EDA: variants seen among roughly 807,000 people sequenced by gnomAD.
EDA encodes the protein ectodysplasin A, also known as ectodysplasin-A.
A neutral mutation model predicts 23.6 loss-of-function variants in EDA; 2 were observed. That is an observed-to-expected ratio of 0.08 (90% CI 0.03 to 0.27). The LOEUF (loss-of-function observed/expected upper bound fraction) is 0.27. EDA is among the 10% of genes least tolerant of loss of function. The pLI is 1.00. For synonymous variants in EDA, 131 were observed against 132.0 expected (o/e 0.99, Z 0.05); for missense variants, 229 against 324.2 (o/e 0.71, Z 2.26).
intron 1 of EDA, among the ~76,000 whole-genome samples, chrX:69,672,794 A>G (rs1043911327): frequency 4.6e-5 from 5 of 109,631 alleles, no homozygotes; most frequent in Non-Finnish European, 9.5e-5. Context: ...AGGCAGGAGA[A>G]TGGCATGAAC....
At chrX:69,860,827 A>T (rs773964521) in intron 1 of EDA, 1 of 521,793 alleles carries the variant, frequency 1.9e-6, no homozygotes, top group South Asian at 2.5e-5. Context: ...ATGTTTTCCA[A>T]GTTGGTTCTA....
rs913462488 is a variant in EDA, at chrX:69,719,942, G to C, written c.396+103238G>C. 2.7e-5 allele frequency among the ~76,000 whole-genome samples: 3 copies of C among 110,099 alleles called. No homozygotes were observed. The Admixed American group carries it at 2.9e-4, about 11-fold the overall frequency. ...TTTTTGTATTTTTAGTAGGGATGGG[G>C]TTTCACCATGTTGGTTAGGCTCGTC... On this transcript the variant is annotated intron_variant, in intron 1 of 7. Coordinates refer to ENST00000374552, the MANE Select transcript of EDA (RefSeq NM_001399.5).
At chrX:69,730,555 G>A (rs996442796) in intron 1 of EDA, among the ~76,000 whole-genome samples, 1 of 111,875 alleles carries the variant, frequency 8.9e-6, no homozygotes, top group Admixed American at 9.5e-5. Context: ...ATCCTTTCTA[G>A]TCTTCAGACC....
At chrX:69,643,924 G>T (rs1404594734) in intron 1 of EDA, among the ~76,000 whole-genome samples, 1 of 110,857 alleles carries the variant, frequency 9.0e-6, no homozygotes, top group Non-Finnish European at 1.9e-5. Context: ...TTGTAGGTGT[G>T]CAGTCTTATT....
At chrX:69,769,986 AT>A (rs1419962736) in intron 1 of EDA, among the ~76,000 whole-genome samples, 10 of 111,387 alleles carry the variant, frequency 9.0e-5, no homozygotes, top group African/African-American at 3.3e-4. Flanking sequence ...TCACTTCTAG[AT>A]TATTTTACAA....
rs781185517 is a variant in EDA at position 69,770,987 on chromosome X, C to T, written c.396+154283C>T. ...TCATTTGTTGAAAAAACTATACTTACGCCATTGAACTACTTTTGCTCCTTT... is the reference window on the plus strand; with the variant it reads ...TCATTTGTTGAAAAAACTATACTTATGCCATTGAACTACTTTTGCTCCTTT... On this transcript the variant is annotated intron_variant, in intron 1 of 7. Transcript: ENST00000374552. Among the ~76,000 whole-genome samples, 80 of 111,748 alleles carry T rather than the reference C, an allele frequency of 7.2e-4. 1 individual carries two copies. Among genetic ancestry groups the T allele is most frequent in the African/African-American group, 2.5e-3 (78 of 30,813 alleles).
intron 1 of EDA, among the ~76,000 whole-genome samples, chrX:69,746,191 T>C (rs981574556): frequency 9.0e-6 from 1 of 110,870 alleles, no homozygotes; most frequent in African/African-American, 3.3e-5. Flanking sequence ...TCTCTCACAT[T>C]GTTTGCACTG....
At chrX:69,861,328 G>A in intron 1 of EDA, 1 of 145,455 alleles carries the variant, frequency 6.9e-6, no homozygotes. Context: ...TCCAAGTTCA[G>A]GAAAAGATTG....
intron 1 of EDA, among the ~76,000 whole-genome samples, chrX:69,758,675 A>G (rs2014201509): frequency 1.8e-5 from 2 of 111,738 alleles, no homozygotes; most frequent in Admixed American, 1.9e-4. Flanking sequence ...TCTGTACTAA[A>G]AATACAAAAA....
Position 69,794,963 on chromosome X carries a change from A to C in EDA, c.397-162064A>C, listed in dbSNP as rs185528014. Among the ~76,000 whole-genome samples, 379 of 112,088 alleles carry C rather than the reference A, an allele frequency of 3.4e-3. 1 individual carries two copies. The highest frequency in any genetic ancestry group is 0.011 in the African/African-American group (352 of 30,899). On this transcript the variant is annotated intron_variant, in intron 1 of 7. Transcript: ENST00000374552. ...AAATGAATTTGAAACTCTGGAGCTC[A>C]AAAGAGGGGCTACATAGTATTCTAT...
At chrX:69,885,865 T>C (rs1273325768) in intron 1 of EDA, among the ~76,000 whole-genome samples, 2 of 112,263 alleles carry the variant, frequency 1.8e-5, no homozygotes, top group Non-Finnish European at 3.8e-5. Context: ...AGGGGAATTA[T>C]GCATACTACT....
intron 1 of EDA, chrX:69,937,640 A>G (rs745872977): frequency 3.6e-6 from 4 of 1,103,527 alleles, no homozygotes; most frequent in African/African-American, 1.8e-5. Flanking sequence ...CTTCCTCATC[A>G]TGTTTTTTAA....
At chrX:69,623,454 C>G (rs770490768) in intron 1 of EDA, among the ~76,000 whole-genome samples, 4 of 111,456 alleles carry the variant, frequency 3.6e-5, no homozygotes, top group Middle Eastern at 9.3e-3. Context: ...GCTCTGCCCT[C>G]ATTATTTAAT....
chrX:69,840,509 C>T (rs752832673), intron 1 of EDA, among the ~76,000 whole-genome samples: 79 of 111,457 alleles, frequency 7.1e-4, no homozygotes, highest in African/African-American at 2.5e-3. Context: ...AATACAGGAA[C>T]TAACTCAAAT....
chrX:69,909,647 C>G (rs781709684), intron 1 of EDA, among the ~76,000 whole-genome samples: 4 of 112,657 alleles, frequency 3.6e-5, no homozygotes, highest in Non-Finnish European at 7.5e-5. Context: ...TTTGCTTGCT[C>G]TTTTCTTTTG....
chrX:69,746,774 AT>A (rs2013635379), intron 1 of EDA, among the ~76,000 whole-genome samples: 1 of 111,313 alleles, frequency 9.0e-6, no homozygotes, highest in Non-Finnish European at 1.9e-5. Context: ...AATTGAAAAG[AT>A]TCACCATCCT....
chrX:70,010,583 T>C (rs760303624), intron 2 of EDA, among the ~76,000 whole-genome samples: 1 of 112,274 alleles, frequency 8.9e-6, no homozygotes, highest in Non-Finnish European at 1.9e-5. Flanking sequence ...TTTTAACTGG[T>C]GTGTTCAGAG....
chrX:69,882,148 A>C (rs2017757444), intron 1 of EDA, among the ~76,000 whole-genome samples: 1 of 111,810 alleles, frequency 8.9e-6, no homozygotes, highest in African/African-American at 3.3e-5. Flanking sequence ...ATTGAAAAAA[A>C]AACTAGCCTT....
intron 3 of EDA, among the ~76,000 whole-genome samples, chrX:70,025,876 C>G: frequency 8.9e-6 from 1 of 112,032 alleles, no homozygotes; most frequent in Non-Finnish European, 1.9e-5. Context: ...ACCTTCCTTT[C>G]CTTCCTTTCT....
Sources: allele counts gnomAD v4.1 joint callset (sites outside exome capture counted in the v4.1 genomes callset), GRCh38; gene constraint gnomAD v4.1.1; transcripts MANE v1.5; gene names NCBI Gene and HGNC (gene_info 2026-07-23, HGNC 2026-07-21).